CADPS: variants seen among roughly 807,000 people sequenced by gnomAD.
CADPS encodes the protein calcium-dependent secretion activator 1.
Under a neutral mutation model 167.3 loss-of-function variants are expected in CADPS, and 57 were observed. The ratio of observed to expected loss-of-function variants is 0.34; its 90% CI spans 0.28 to 0.42. The LOEUF is 0.42. CADPS is among the 20% of genes least tolerant of loss of function. The probability of loss-of-function intolerance (pLI) is 1.00; values close to 1 mark genes in which losing one functional copy is unlikely to be tolerated. For missense variants in CADPS, 1,414 were observed against 1,738.1 expected (o/e 0.81, Z 3.32); for synonymous variants, 676 against 635.3 (o/e 1.06, Z -0.96).
At position 62,875,088 on chromosome 3, in the gene CADPS, G is replaced by A; in HGVS notation, c.-59C>T. The A allele has an allele frequency of 1.3e-6, 2 of 1,492,342 alleles. No homozygotes were observed. Among genetic ancestry groups the A allele is most frequent in the Non-Finnish European group, 1.8e-6 (2 of 1,113,410 alleles). 92.4% of individuals were successfully genotyped at this position (1,492,342 alleles called of 1,614,324 possible). On this transcript the variant is annotated 5_prime_UTR_variant, in exon 1 of 30. Transcript: ENST00000383710. ...CCGGCTTGGAGTGCAAAAGGTGGGG[G>A]GCGCTGGAGGCAGCCGGGGATCAGC...
intron 13 of CADPS, among the ~76,000 whole-genome samples, chr3:62,524,947 T>C (rs1020688894): frequency 1.3e-5 from 2 of 152,194 alleles, no homozygotes; most frequent in Admixed American, 6.5e-5. Flanking sequence ...AACTAATCTT[T>C]AGATTCCTTT....
intron 28 of CADPS, among the ~76,000 whole-genome samples, chr3:62,414,767 A>G (rs1159815706): frequency 6.6e-6 from 1 of 152,192 alleles, no homozygotes; most frequent in Non-Finnish European, 1.5e-5. Context: ...ACTAGGCCCA[A>G]ATAGAGGCCA....
intron 2 of CADPS, among the ~76,000 whole-genome samples, chr3:62,765,008 C>T (rs938888650): frequency 8.5e-5 from 13 of 152,118 alleles, no homozygotes; most frequent in Non-Finnish European, 2.9e-5. Flanking sequence ...ATGCATAAGA[C>T]ATTTGGGGCA....
At chr3:62,644,023 C>T (rs1265469320) in intron 6 of CADPS, among the ~76,000 whole-genome samples, 1 of 152,176 alleles carries the variant, frequency 6.6e-6, no homozygotes, top group African/African-American at 2.4e-5. Flanking sequence ...CTCTTGTACA[C>T]ACTCATTAAT....
intron 6 of CADPS, among the ~76,000 whole-genome samples, chr3:62,637,149 G>C (rs562466598): frequency 1.3e-5 from 2 of 152,258 alleles, no homozygotes; most frequent in East Asian, 1.9e-4. Flanking sequence ...ACATAGATCA[G>C]ATTGATTTTC....
intron 3 of CADPS, among the ~76,000 whole-genome samples, chr3:62,752,323 C>T (rs1034441386): frequency 1.3e-5 from 2 of 152,080 alleles, no homozygotes; most frequent in Non-Finnish European, 2.9e-5. Context: ...CTTTCATCTC[C>T]AGATTTGTAA....
At chr3:62,504,940 G>C (rs1256651989) in intron 17 of CADPS, among the ~76,000 whole-genome samples, 7 of 152,136 alleles carry the variant, frequency 4.6e-5, no homozygotes, top group Non-Finnish European at 4.4e-5. Flanking sequence ...AATATCATAT[G>C]AGAGATGAAT....
At chr3:62,680,975 C>T (rs143744677) in intron 3 of CADPS, among the ~76,000 whole-genome samples, 1 of 152,012 alleles carries the variant, frequency 6.6e-6, no homozygotes, top group African/African-American at 2.4e-5. Context: ...TCAGTGCCCA[C>T]CTTTCCAGCC....
At chr3:62,757,166 G>C (rs961313502) in intron 2 of CADPS, among the ~76,000 whole-genome samples, 2 of 152,194 alleles carry the variant, frequency 1.3e-5, no homozygotes, top group South Asian at 4.2e-4. Flanking sequence ...TAAACATAAG[G>C]GGTGACTTGA....
intron 3 of CADPS, among the ~76,000 whole-genome samples, chr3:62,742,091 G>C (rs1253181867): frequency 6.6e-6 from 1 of 152,080 alleles, no homozygotes; most frequent in African/African-American, 2.4e-5. Context: ...TCTCTACAAG[G>C]AGAACCACAA....
intron 26 of CADPS, among the ~76,000 whole-genome samples, chr3:62,463,454 C>T (rs1480055152): frequency 6.6e-6 from 1 of 152,232 alleles, no homozygotes; most frequent in African/African-American, 2.4e-5. Context: ...TTCACCATTT[C>T]CAGGACTTCA....
chr3:62,828,492 A>C (rs955819657), intron 1 of CADPS, among the ~76,000 whole-genome samples: 23 of 152,296 alleles, frequency 1.5e-4, no homozygotes, highest in African/African-American at 5.5e-4. Context: ...AACGGCTTGA[A>C]AAAGAAAAAA....
intron 1 of CADPS, among the ~76,000 whole-genome samples, chr3:62,873,114 G>A (rs961949849): frequency 6.6e-6 from 1 of 152,178 alleles, no homozygotes; most frequent in Non-Finnish European, 1.5e-5. Context: ...AGAGTCTTGT[G>A]TGTAACCCAC....
intron 10 of CADPS, among the ~76,000 whole-genome samples, chr3:62,551,612 G>A (rs2077329243): frequency 6.6e-6 from 1 of 152,096 alleles, no homozygotes; most frequent in Non-Finnish European, 1.5e-5. Flanking sequence ...GTTCTGACAA[G>A]GCCTGAAAGC....
chr3:62,599,037 C>T (rs962401548), intron 6 of CADPS, among the ~76,000 whole-genome samples: 21 of 152,114 alleles, frequency 1.4e-4, no homozygotes, highest in Non-Finnish European at 5.9e-5. Flanking sequence ...CTATTTTGTT[C>T]TCTGCTCATT....
intron 17 of CADPS, among the ~76,000 whole-genome samples, chr3:62,503,538 C>G (rs1392599052): frequency 6.6e-6 from 1 of 152,202 alleles, no homozygotes; most frequent in Non-Finnish European, 1.5e-5. Context: ...TTCAAGTGAG[C>G]TAGGAAATAT....
chr3:62,874,470 G>A lies in CADPS; in HGVS notation c.441+119C>T, dbSNP rs1560045416. 1.3e-6 allele frequency: 1 copy of A among 753,574 alleles called. No homozygotes were observed. The highest frequency in any genetic ancestry group is 2.1e-6 in the Non-Finnish European group (1 of 467,628). 46.7% of individuals were successfully genotyped at this position (753,574 alleles called of 1,614,324 possible). ...AGGGGGCCTCGTAGCCCTTTCCCCA[G>A]GGCGCGGTCTCCACCTCTCCTGCTC... On this transcript the variant is annotated intron_variant, in intron 1 of 29. Coordinates refer to ENST00000383710, the MANE Select transcript of CADPS (RefSeq NM_003716.4). This position sits in a 1 kb window ranked among gnomAD's most constrained non-coding sequence, Gnocchi z 7.1.
chr3:62,814,937 C>G (rs2094545962), intron 1 of CADPS, among the ~76,000 whole-genome samples: 1 of 152,148 alleles, frequency 6.6e-6, no homozygotes, highest in Non-Finnish European at 1.5e-5. Flanking sequence ...CATTTTGACA[C>G]AAACTTCACA....
intron 1 of CADPS, among the ~76,000 whole-genome samples, chr3:62,850,009 A>G (rs1354937966): frequency 2.6e-5 from 3 of 114,100 alleles, no homozygotes; most frequent in African/African-American, 1.0e-4. Flanking sequence ...GTCTTGGGAG[A>G]GTGTATGTGT....
Sources: allele counts gnomAD v4.1 joint callset (sites outside exome capture counted in the v4.1 genomes callset), GRCh38; gene constraint gnomAD v4.1.1; non-coding constraint Gnocchi (gnomAD v3.1); transcripts MANE v1.5; gene names NCBI Gene and HGNC (gene_info 2026-07-23, HGNC 2026-07-21).